ATP13A4: variants seen among roughly 807,000 people sequenced by gnomAD.
ATP13A4 encodes the protein ATPase 13A4.
A neutral mutation model predicts 142.5 loss-of-function variants in ATP13A4; 114 were observed. The ratio of observed to expected loss-of-function variants is 0.80; its 90% CI spans 0.69 to 0.93. ATP13A4 has a LOEUF of 0.93. Among genes scored for constraint, ATP13A4 ranks in the 40% least tolerant of loss-of-function variants. The pLI is 0.00. For missense variants in ATP13A4, 1,392 were observed against 1,454.0 expected (o/e 0.96, Z 0.69); for synonymous variants, 488 against 514.8 (o/e 0.95, Z 0.70).
chr3:193,402,673 C>G lies in ATP13A4; in HGVS notation c.3570G>C (p.Glu1190Asp). Residue 1190 changes from glutamate to aspartate, a missense_variant, in exon 30 of 30, where the codon GAG (glutamate) becomes GAC (aspartate). Coordinates refer to ENST00000342695, the MANE Select transcript of ATP13A4 (RefSeq NM_032279.4). ...RGVSYSNPVF[E>D]SNEEQL ...TCCTTCAGAGTTGTTCTTCATTGCT[C>G]TCAAATACTGGATTGCTGTAAGACA... 9.4e-7 allele frequency: 1 copy of G among 1,065,400 alleles called. No homozygotes were observed. The highest frequency in any genetic ancestry group is 1.5e-6 in the Non-Finnish European group (1 of 678,794). The allele number at this position is 1,065,400 out of a possible 1,614,324, so 66.0% of individuals were successfully genotyped here. A position where few individuals can be genotyped will look rare whatever the true frequency, so the allele number is the denominator to read the frequency against.
chr3:193,441,464 A>G lies in ATP13A4; in HGVS notation c.2439+2T>C. The stretch of plus-strand genomic sequence containing the variant: ...GGAGATTGTCACCCTCTTAGAACTT[A>G]CCTTTGGCAGTAGGCTGCTGAAATG... On this transcript the variant is annotated splice_donor_variant, in intron 20 of 29. Coordinates refer to ENST00000342695, the MANE Select transcript of ATP13A4 (RefSeq NM_032279.4). LOFTEE classifies it high-confidence loss of function. The G allele has an allele frequency of 1.2e-6, 2 of 1,613,766 alleles. No homozygotes were observed. Among genetic ancestry groups the G allele is most frequent in the Non-Finnish European group, 1.7e-6 (2 of 1,179,754 alleles).
chr3:193,480,169 A>G (rs1178222277), intron 8 of ATP13A4, among the ~76,000 whole-genome samples: 1 of 152,254 alleles, frequency 6.6e-6, no homozygotes, highest in African/African-American at 2.4e-5. Context: ...CCTAGAAGAT[A>G]GCATTAGAAA....
intron 1 of ATP13A4, among the ~76,000 whole-genome samples, chr3:193,533,567 A>G (rs560587144): frequency 2.0e-5 from 3 of 151,584 alleles, no homozygotes; most frequent in Admixed American, 6.6e-5. Context: ...CAGACCAAAG[A>G]AAAAAAAAGA....
chr3:193,566,312 C>G (rs1246108498), intron 2 of ATP13A4, among the ~76,000 whole-genome samples: 1 of 152,052 alleles, frequency 6.6e-6, no homozygotes, highest in Non-Finnish European at 1.5e-5. Flanking sequence ...ATCTTTTTAG[C>G]CCCTATGATA....
At chr3:193,447,173 G>A (rs889463998) in intron 18 of ATP13A4, among the ~76,000 whole-genome samples, 4 of 152,216 alleles carry the variant, frequency 2.6e-5, no homozygotes, top group Non-Finnish European at 5.9e-5. Flanking sequence ...GATAGATTAT[G>A]AGAATGTGTC....
intron 21 of ATP13A4, 178 bp downstream of exon 21, chr3:193,440,380 G>C (rs1204155867): frequency 8.4e-7 from 1 of 1,187,198 alleles, no homozygotes; most frequent in Non-Finnish European, 1.2e-6. Flanking sequence ...CAGGATCTCT[G>C]AATGGTGAGA....
chr3:193,407,345 T>G lies in ATP13A4; in HGVS notation c.3346A>C (p.Ser1116Arg). ...LWRASIVIML[S>R]LNFIVSLVAE... is the part of the protein sequence containing the mutation. Reference sequence around the variant, plus strand: ...ACAAGGGACACAATGAAATTCAAGCTGAGCATGATGACAATGGAGGCCCTC... The same window carrying G: ...ACAAGGGACACAATGAAATTCAAGCGGAGCATGATGACAATGGAGGCCCTC... Residue 1116 changes from serine (S) to arginine (R), a missense_variant, in exon 29 of 30, where the codon AGC (serine) becomes CGC (arginine). Physicochemically the swap from Ser to Arg is moderately radical, Grantham distance 110. Coordinates refer to ENST00000342695, the MANE Select transcript of ATP13A4 (RefSeq NM_032279.4). 1 of 1,613,562 alleles carries G rather than the reference T, an allele frequency of 6.2e-7. No individual in the cohort carries two copies. The highest frequency in any genetic ancestry group is 8.5e-7 in the Non-Finnish European group (1 of 1,179,654).
intron 1 of ATP13A4, among the ~76,000 whole-genome samples, chr3:193,538,431 A>G (rs530755741): frequency 1.2e-4 from 18 of 152,152 alleles, no homozygotes; most frequent in African/African-American, 4.1e-4. Context: ...TAGAGATGGA[A>G]AAAACAGAGG....
chr3:193,442,818 A>G (rs1287814197), intron 18 of ATP13A4, among the ~76,000 whole-genome samples: 1 of 152,140 alleles, frequency 6.6e-6, no homozygotes, highest in Non-Finnish European at 1.5e-5. Context: ...ATTCAAATCT[A>G]TTTTCATCAT....
chr3:193,469,109 G>T (rs576922188), intron 9 of ATP13A4, among the ~76,000 whole-genome samples: 2 of 152,292 alleles, frequency 1.3e-5, no homozygotes, highest in East Asian at 3.9e-4. Flanking sequence ...TAGAGACCAA[G>T]TATAGAGTGA....
chr3:193,516,598 C>T (rs1721428420), intron 1 of ATP13A4, among the ~76,000 whole-genome samples: 1 of 152,180 alleles, frequency 6.6e-6, no homozygotes, highest in Non-Finnish European at 1.5e-5. Flanking sequence ...CATTCTTTCC[C>T]ATGTGCTTTT....
intron 3 of ATP13A4, among the ~76,000 whole-genome samples, chr3:193,498,062 A>C (rs3914904): frequency 6.6e-6 from 1 of 152,116 alleles, no homozygotes; most frequent in Non-Finnish European, 1.5e-5. Context: ...AGCTAGAAGA[A>C]AGGATTTTGA....
chr3:193,407,252 G>A (rs1378988738), intron 29 of ATP13A4, 61 bp downstream of exon 29: 1 of 1,456,446 alleles, frequency 6.9e-7, no homozygotes, highest in East Asian at 2.3e-5. Flanking sequence ...TCCCAAAGAA[G>A]TCCCCCTACA....
intron 1 of ATP13A4, among the ~76,000 whole-genome samples, chr3:193,529,886 T>C (rs754631517): frequency 1.3e-5 from 2 of 152,208 alleles, no homozygotes; most frequent in African/African-American, 2.4e-5. Context: ...ATCTTTTTCA[T>C]ATAATAGCAC....
At chr3:193,443,106 G>A (rs1716749283) in intron 18 of ATP13A4, among the ~76,000 whole-genome samples, 1 of 152,170 alleles carries the variant, frequency 6.6e-6, no homozygotes, top group Admixed American at 6.5e-5. Flanking sequence ...TATTTGACTG[G>A]CGTGTGGGCC....
At chr3:193,526,396 A>C (rs1410285957) in intron 1 of ATP13A4, among the ~76,000 whole-genome samples, 1 of 152,204 alleles carries the variant, frequency 6.6e-6, no homozygotes, top group Admixed American at 6.5e-5. Context: ...GGAGTTGAAC[A>C]ATGAGAACAC....
chr3:193,448,381 T>G (rs565495645), intron 17 of ATP13A4, 51 bp from the exon 18 acceptor site: 1 of 1,550,726 alleles, frequency 6.4e-7, no homozygotes, highest in South Asian at 1.1e-5. Context: ...ATATTACAGC[T>G]TTTTTTTTGA....
intron 16 of ATP13A4, among the ~76,000 whole-genome samples, chr3:193,454,818 C>A (rs766630787): frequency 2.6e-5 from 4 of 152,118 alleles, no homozygotes; most frequent in Non-Finnish European, 5.9e-5. Flanking sequence ...GATTTCATGA[C>A]AAAGATGCCA....
Position 193,504,914 on chromosome 3 carries a change from CAT to C in ATP13A4, c.235-2277_235-2276del, listed in dbSNP as rs138239706. Among the ~76,000 whole-genome samples, 817 of 152,218 alleles carry C rather than the reference CAT, an allele frequency of 5.4e-3. 14 individuals are homozygous for C. The East Asian group carries it at 0.07, about 13-fold the overall frequency. On this transcript the variant is annotated intron_variant, in intron 2 of 29. Coordinates refer to ENST00000342695, the MANE Select transcript of ATP13A4 (RefSeq NM_032279.4). ...GTTTACCTAGCAGTTTCATAATTTT[CAT>C]ATGATTACATAGCAGTTTGTAGAAA...
Sources: gnomAD v4.1 joint callset for allele counts (sites outside exome capture counted in the v4.1 genomes callset) on GRCh38, gnomAD v4.1.1 for gene constraint, MANE v1.5 for transcripts, NCBI Gene and HGNC (gene_info 2026-07-23, HGNC 2026-07-21) for gene names.